Variants in SEMA3A observed in about 807,000 individuals in gnomAD.
SEMA3A encodes the protein semaphorin-3A.
SEMA3A carries 29 observed loss-of-function variants against 97.9 expected under a neutral mutation model. The ratio of observed to expected loss-of-function variants is 0.30; its 90% CI spans 0.22 to 0.40. The LOEUF (loss-of-function observed/expected upper bound fraction) is 0.40, where lower values mean the gene tolerates loss of function less well. Ranked by LOEUF, SEMA3A falls within the 10% of genes least tolerant of loss-of-function variation. The pLI is 1.00. For synonymous variants in SEMA3A, 321 were observed against 323.7 expected, an observed-to-expected ratio of 0.99 and a Z score of 0.09; for missense variants, 763 against 951.3, an observed-to-expected ratio of 0.80 and a Z score of 2.60.
intron 1 of SEMA3A, among the ~76,000 whole-genome samples, chr7:84,373,025 C>T (rs1045045395): frequency 1.3e-5 from 2 of 152,196 alleles, no homozygotes; most frequent in Non-Finnish European, 2.9e-5. Flanking sequence ...TCCATTCGCT[C>T]TCTTGTCCTT....
intron 1 of SEMA3A, among the ~76,000 whole-genome samples, chr7:84,469,825 A>T (rs1463270859): frequency 6.6e-6 from 1 of 152,042 alleles, no homozygotes; most frequent in Non-Finnish European, 1.5e-5. Flanking sequence ...GTAATTTCCA[A>T]GAGGTAAGGA....
chr7:84,382,775 G>T (rs979656834), intron 1 of SEMA3A, among the ~76,000 whole-genome samples: 1 of 151,554 alleles, frequency 6.6e-6, no homozygotes, highest in African/African-American at 2.4e-5. Context: ...CTACTCGGGA[G>T]GCTGAGGCAG....
At chr7:84,406,031 CG>C (rs1562935750) in intron 1 of SEMA3A, among the ~76,000 whole-genome samples, 12 of 151,740 alleles carry the variant, frequency 7.9e-5, no homozygotes, top group Non-Finnish European at 1.2e-4. Flanking sequence ...TAGCAGAAGG[CG>C]AGAAATAACT....
chr7:84,027,193 C>G (rs544414704), intron 6 of SEMA3A, among the ~76,000 whole-genome samples: 3 of 152,282 alleles, frequency 2.0e-5, no homozygotes, highest in Non-Finnish European at 4.4e-5. Flanking sequence ...TGCAATGTCT[C>G]TGCTACCTAG....
intron 1 of SEMA3A, among the ~76,000 whole-genome samples, chr7:84,189,158 T>C (rs544209918): frequency 6.6e-6 from 1 of 151,990 alleles, no homozygotes; most frequent in Admixed American, 6.6e-5. Flanking sequence ...TGCTGGTCTT[T>C]TTAAAATAAA....
chr7:84,191,535 G>T (rs1251716981), intron 1 of SEMA3A, among the ~76,000 whole-genome samples: 1 of 151,702 alleles, frequency 6.6e-6, no homozygotes, highest in South Asian at 2.1e-4. Flanking sequence ...AGACTTCATT[G>T]TATCACATAT....
At chr7:84,072,084 G>A (rs1005829995) in intron 4 of SEMA3A, among the ~76,000 whole-genome samples, 6 of 151,544 alleles carry the variant, frequency 4.0e-5, no homozygotes, top group Admixed American at 3.3e-4. Flanking sequence ...ACGTCTTGGT[G>A]GTATGTGTGT....
intron 2 of SEMA3A, among the ~76,000 whole-genome samples, chr7:84,317,172 A>G (rs1330780972): frequency 3.9e-5 from 6 of 152,202 alleles, no homozygotes; most frequent in African/African-American, 1.2e-4. Flanking sequence ...GGGAGTATAC[A>G]GATTCTTTCC....
intron 1 of SEMA3A, among the ~76,000 whole-genome samples, chr7:84,470,493 G>T (rs1806118075): frequency 6.6e-6 from 1 of 152,100 alleles, no homozygotes; most frequent in Admixed American, 6.6e-5. Context: ...TGGAAAGGGA[G>T]AAGATGGGAG....
intron 1 of SEMA3A, among the ~76,000 whole-genome samples, chr7:84,474,683 T>A (rs1806234383): frequency 6.6e-6 from 1 of 152,060 alleles, no homozygotes; most frequent in Non-Finnish European, 1.5e-5. Flanking sequence ...GTGAGGCACA[T>A]CATAAACTGT....
chr7:84,436,628 T>C (rs1208903253), intron 1 of SEMA3A, among the ~76,000 whole-genome samples: 4 of 152,184 alleles, frequency 2.6e-5, no homozygotes, highest in Non-Finnish European at 1.5e-5. Flanking sequence ...TTCGGATTTC[T>C]TTGTGTTATA....
intron 3 of SEMA3A, among the ~76,000 whole-genome samples, chr7:84,299,435 T>C (rs532553153): frequency 2.8e-4 from 42 of 150,802 alleles, no homozygotes; most frequent in Non-Finnish European, 5.3e-4. Flanking sequence ...TGATTAATCA[T>C]TTGGTAGTCC....
intron 2 of SEMA3A, among the ~76,000 whole-genome samples, chr7:84,336,182 C>T (rs1802035456): frequency 6.6e-6 from 1 of 152,020 alleles, no homozygotes; most frequent in Admixed American, 6.6e-5. Context: ...TAGAAACAAA[C>T]CTTCTATGAG....
intron 1 of SEMA3A, among the ~76,000 whole-genome samples, chr7:84,472,870 C>T (rs922893295): frequency 2.0e-4 from 31 of 152,020 alleles, no homozygotes; most frequent in African/African-American, 7.2e-4. Context: ...GTAGTATTAC[C>T]TCCCAAAGTG....
At chr7:84,205,819 T>C (rs1798479586) in intron 3 of SEMA3A, among the ~76,000 whole-genome samples, 1 of 152,236 alleles carries the variant, frequency 6.6e-6, no homozygotes, top group African/African-American at 2.4e-5. Context: ...TCAAATGTAT[T>C]CAACAGTACT....
chr7:84,344,303 C>CAAAATACACACACACAAAATGGTTG (rs1221528988), intron 2 of SEMA3A, among the ~76,000 whole-genome samples: 1 of 151,994 alleles, frequency 6.6e-6, no homozygotes, highest in Non-Finnish European at 1.5e-5. Flanking sequence ...AAAACAAACA[C>CAAAATACACACACACAAAATGGTTG]AAAATACACA....
intron 1 of SEMA3A, among the ~76,000 whole-genome samples, chr7:84,458,883 T>A (rs1355246877): frequency 1.3e-5 from 2 of 152,152 alleles, no homozygotes; most frequent in African/African-American, 4.8e-5. Flanking sequence ...CCTACTTTAC[T>A]ATTGAATACT....
chr7:83,963,982 T>C (rs1788577285), intron 15 of SEMA3A, among the ~76,000 whole-genome samples: 1 of 152,218 alleles, frequency 6.6e-6, no homozygotes, highest in Non-Finnish European at 1.5e-5. Context: ...TGCATAGTTA[T>C]AATGCAATGT....
chr7:84,468,229 C>T (rs1229150644), intron 1 of SEMA3A, among the ~76,000 whole-genome samples: 1 of 152,160 alleles, frequency 6.6e-6, no homozygotes, highest in African/African-American at 2.4e-5. Flanking sequence ...GCATTTCTTA[C>T]TTGTGCAAAG....
Sources: allele counts gnomAD v4.1 joint callset (sites outside exome capture counted in the v4.1 genomes callset), GRCh38; gene constraint gnomAD v4.1.1; transcripts MANE v1.5; gene names NCBI Gene and HGNC (gene_info 2026-07-23, HGNC 2026-07-21).